GALK2: variants seen among roughly 807,000 people sequenced by gnomAD.
The protein encoded by GALK2 is galactokinase 2, also known as N-acetylgalactosamine kinase.
A neutral mutation model predicts 52.4 loss-of-function variants in GALK2; 36 were observed. The ratio of observed to expected loss-of-function variants is 0.69; its 90% CI spans 0.53 to 0.91. GALK2 has a LOEUF of 0.91. GALK2 is among the 40% of genes least tolerant of loss of function. GALK2 has a pLI of 0.00. For synonymous variants in GALK2, 176 were observed against 199.1 expected (o/e 0.88, Z 0.98); for missense variants, 579 against 559.1 (o/e 1.04, Z -0.36).
chr15:49,215,043 T>C (rs897982118), intron 2 of GALK2, among the ~76,000 whole-genome samples: 4 of 152,206 alleles, frequency 2.6e-5, no homozygotes, highest in African/African-American at 9.6e-5. Context: ...GAATATGTCA[T>C]CCCCCTCTCT....
chr15:49,305,393 T>C lies in GALK2; in HGVS notation c.967+12856T>C, dbSNP rs907537064. Among the ~76,000 whole-genome samples the C allele has an allele frequency of 3.3e-5, 5 of 152,182 alleles. No individual in the cohort carries two copies. The East Asian group carries it at 9.6e-4, about 29-fold the overall frequency. ...AGGGTAGAGACGCTCCATAGTTTTT[T>C]AGAAAATGTTTGAGGAAGATGGTTT... On this transcript the variant is annotated intron_variant, in intron 8 of 9. Coordinates refer to ENST00000560031, the MANE Select transcript of GALK2 (RefSeq NM_002044.4).
At chr15:49,215,519 CTG>C (rs140352818) in intron 2 of GALK2, among the ~76,000 whole-genome samples, 9,172 of 152,244 alleles carry the variant, frequency 0.06, 544 homozygotes, top group African/African-American at 0.15. Context: ...TTGAGAGACT[CTG>C]AGACATTTTT....
rs546705509 is a variant in GALK2 at position 49,222,681 on chromosome 15, C to T, written c.266+5368C>T. 9.2e-5 allele frequency among the ~76,000 whole-genome samples: 14 copies of T among 152,214 alleles called. No homozygotes were observed. The South Asian group carries it at 1.0e-3, about 11-fold the overall frequency. On this transcript the variant is annotated intron_variant, in intron 3 of 9. Coordinates refer to ENST00000560031, the MANE Select transcript of GALK2 (RefSeq NM_002044.4). Reference sequence around the variant, plus strand: ...GTTTCTGTCCTTTATTCTACTGATGCGATGTGTCACATTTAGTGATTTGTG... The same window carrying T: ...GTTTCTGTCCTTTATTCTACTGATGTGATGTGTCACATTTAGTGATTTGTG...
intron 3 of GALK2, among the ~76,000 whole-genome samples, chr15:49,226,988 A>C (rs1181177212): frequency 2.0e-5 from 3 of 152,190 alleles, no homozygotes; most frequent in African/African-American, 7.2e-5. Context: ...ATCTAAGAAG[A>C]TATTTGACAT....
chr15:49,164,780 CAAAAAAAAA>C (rs36107125), intron 1 of GALK2, among the ~76,000 whole-genome samples: 2 of 65,182 alleles, frequency 3.1e-5, no homozygotes, highest in African/African-American at 5.7e-5. Flanking sequence ...AACTCCGTCT[CAAAAAAAAA>C]AAAAAAAAAA....
intron 3 of GALK2, among the ~76,000 whole-genome samples, chr15:49,360,163 G>T (rs921782856): frequency 6.6e-6 from 1 of 150,874 alleles, no homozygotes; most frequent in Admixed American, 6.6e-5. Context: ...TGGGTGCAGC[G>T]CACCAGCATG....
At chr15:49,290,857 C>T (rs1210313365) in intron 7 of GALK2, among the ~76,000 whole-genome samples, 1 of 152,146 alleles carries the variant, frequency 6.6e-6, no homozygotes, top group African/African-American at 2.4e-5. Flanking sequence ...TCATGCATAC[C>T]TCATTGAGAA....
downstream of GALK2, chr15:49,331,962 T>C (rs2038851161): frequency 1.5e-6 from 1 of 681,516 alleles, no homozygotes; most frequent in Admixed American, 2.4e-5. Context: ...GTCAAGCACT[T>C]TACATATATT....
chr15:49,336,228 G>T (rs2151183285), downstream of GALK2, among the ~76,000 whole-genome samples: 1 of 152,360 alleles, frequency 6.6e-6, no homozygotes, highest in South Asian at 2.1e-4. Flanking sequence ...CCAGAAGAAA[G>T]GTGGTAATCA....
intron 3 of GALK2, among the ~76,000 whole-genome samples, chr15:49,228,700 T>TA (rs1216226128): frequency 1.2e-5 from 1 of 83,652 alleles, no homozygotes; most frequent in African/African-American, 5.1e-5. Context: ...TTTTTTTTTT[T>TA]TTTTTTTTTT....
chr15:49,158,673 A>C (rs954491896), intron 1 of GALK2, among the ~76,000 whole-genome samples: 1 of 152,230 alleles, frequency 6.6e-6, no homozygotes, highest in Non-Finnish European at 1.5e-5. Context: ...AAAATAAAGA[A>C]AAAAATGAAA....
intron 3 of GALK2, among the ~76,000 whole-genome samples, chr15:49,357,971 A>G (rs1173152304): frequency 6.6e-6 from 1 of 152,046 alleles, no homozygotes; most frequent in Non-Finnish European, 1.5e-5. Context: ...ATATAAACAG[A>G]GCCAAAGACA....
intron 8 of GALK2, among the ~76,000 whole-genome samples, chr15:49,293,414 A>G (rs185105908): frequency 6.6e-6 from 1 of 152,400 alleles, no homozygotes; most frequent in East Asian, 1.9e-4. Context: ...CTTTAGAACC[A>G]GAATAAGCAA....
At chr15:49,225,103 G>T (rs2090051037) in intron 3 of GALK2, 1 of 419,218 alleles carries the variant, frequency 2.4e-6, no homozygotes, top group Non-Finnish European at 4.7e-6. Flanking sequence ...GGTCTATAGT[G>T]GGGTAGGGGG....
intron 9 of GALK2, among the ~76,000 whole-genome samples, chr15:49,323,311 C>T (rs2037056588): frequency 6.6e-6 from 1 of 152,136 alleles, no homozygotes; most frequent in African/African-American, 2.4e-5. Flanking sequence ...CCACCACCAC[C>T]TCCACAATTA....
At chr15:49,244,065 C>CCAA (rs756410926) in intron 5 of GALK2, among the ~76,000 whole-genome samples, 1 of 151,992 alleles carries the variant, frequency 6.6e-6, no homozygotes, top group Non-Finnish European at 1.5e-5. Flanking sequence ...AGAAATCCAT[C>CCAA]CAACTAGTAA....
At chr15:49,249,627 G>A (rs2091502872) in intron 5 of GALK2, among the ~76,000 whole-genome samples, 1 of 152,178 alleles carries the variant, frequency 6.6e-6, no homozygotes, top group Non-Finnish European at 1.5e-5. Flanking sequence ...GGTATAAAAA[G>A]TAAAGTAGAG....
chr15:49,259,093 A>G (rs1468507954), intron 5 of GALK2, among the ~76,000 whole-genome samples: 1 of 151,530 alleles, frequency 6.6e-6, no homozygotes, highest in Admixed American at 6.6e-5. Flanking sequence ...TATTTTGTAT[A>G]CATATATATA....
intron 5 of GALK2, among the ~76,000 whole-genome samples, chr15:49,279,522 G>T (rs1028659981): frequency 2.6e-5 from 4 of 152,170 alleles, no homozygotes; most frequent in Non-Finnish European, 5.9e-5. Flanking sequence ...TCCACTTCTG[G>T]TTATATATCT....
Sources: allele counts gnomAD v4.1 joint callset (sites outside exome capture counted in the v4.1 genomes callset), GRCh38; gene constraint gnomAD v4.1.1; transcripts MANE v1.5; gene names NCBI Gene and HGNC (gene_info 2026-07-23, HGNC 2026-07-21).